Variants in HOOK3 observed in about 807,000 individuals in gnomAD.
The protein encoded by HOOK3 is protein Hook homolog 3.
HOOK3 carries 24 observed loss-of-function variants against 116.3 expected under a neutral mutation model. The observed-to-expected ratio is 0.21, with a 90% confidence interval of 0.15 to 0.29. HOOK3 has a LOEUF of 0.29. HOOK3 is among the 10% of genes least tolerant of loss of function. The pLI, the probability that HOOK3 is intolerant of heterozygous loss-of-function variation, is 1.00. For synonymous variants in HOOK3, 275 were observed against 283.0 expected, an observed-to-expected ratio of 0.97 and a Z score of 0.28; for missense variants, 632 against 830.2, an observed-to-expected ratio of 0.76 and a Z score of 2.93.
At chr8:42,974,227 T>C in intron 13 of HOOK3, 33 bp downstream of exon 13, 1 of 1,505,550 alleles carries the variant, frequency 6.6e-7, no homozygotes, top group Non-Finnish European at 9.2e-7. Flanking sequence ...AACCAGATGA[T>C]TTCTTTTTTT....
At chr8:43,012,842 T>C (rs1240555793) in intron 19 of HOOK3, among the ~76,000 whole-genome samples, 1 of 152,168 alleles carries the variant, frequency 6.6e-6, no homozygotes, top group African/African-American at 2.4e-5. Context: ...GCTAAAGTGA[T>C]CCACCTGCCT....
chr8:42,957,719 A>T (rs555184870), intron 7 of HOOK3, among the ~76,000 whole-genome samples: 44 of 152,160 alleles, frequency 2.9e-4, no homozygotes, highest in African/African-American at 1.0e-3. Context: ...TCTGTAAAGT[A>T]GTGAATAATT....
intron 6 of HOOK3, among the ~76,000 whole-genome samples, chr8:42,953,948 C>A (rs1808389560): frequency 6.6e-6 from 1 of 152,088 alleles, no homozygotes; most frequent in African/African-American, 2.4e-5. Context: ...TGCCGTATCC[C>A]TTCAATATAG....
intron 13 of HOOK3, among the ~76,000 whole-genome samples, chr8:42,981,275 G>A (rs555620919): frequency 6.6e-6 from 1 of 151,530 alleles, no homozygotes; most frequent in South Asian, 2.1e-4. Flanking sequence ...CTGGTCTCGA[G>A]CTCCTGAGCT....
intron 5 of HOOK3, among the ~76,000 whole-genome samples, chr8:42,948,211 T>G (rs1209675891): frequency 6.6e-6 from 1 of 152,220 alleles, no homozygotes; most frequent in African/African-American, 2.4e-5. Context: ...AACTCATGTT[T>G]CTTCCACATT....
chr8:42,996,327 A>G (rs1052507849), intron 15 of HOOK3, among the ~76,000 whole-genome samples: 1 of 150,216 alleles, frequency 6.7e-6, no homozygotes, highest in Non-Finnish European at 1.5e-5. Context: ...CGGAGGTTGC[A>G]GTGAGCTGAG....
At chr8:42,991,177 G>A (rs1044583454) in intron 15 of HOOK3, among the ~76,000 whole-genome samples, 8 of 152,120 alleles carry the variant, frequency 5.3e-5, no homozygotes, top group Non-Finnish European at 1.2e-4. Context: ...GTGCCATGCT[G>A]TTTTGGTTAC....
rs747401904 is a variant in HOOK3, at chr8:43,018,495, G to A, written c.2154G>A (p.Arg718=). 66 of 1,608,086 alleles carry A rather than the reference G, an allele frequency of 4.1e-5. No individual in the cohort carries two copies. The highest frequency in any genetic ancestry group is 5.0e-5 in the Non-Finnish European group (59 of 1,178,272). Residue 718 remains arginine, a synonymous_variant, in exon 22 of 22, where the codon AGG becomes AGA. Transcript: ENST00000307602. ...YPGHVQPATA[R] ...GCCACGTGCAGCCGGCCACAGCAAG[G>A]TAGAGAAGTTGTGCCGCTCAATCAC... is the stretch of plus-strand genomic sequence containing the variant.
chr8:42,938,217 C>CTTTTGTTTTTTTT (rs1808011233), intron 4 of HOOK3, among the ~76,000 whole-genome samples: 1 of 132,292 alleles, frequency 7.6e-6, no homozygotes, highest in Non-Finnish European at 1.6e-5. Context: ...GCAACCCCTG[C>CTTTTGTTTTTTTT]TTTTTTTTTT....
At chr8:42,928,900 G>C (rs1253150357) in intron 3 of HOOK3, among the ~76,000 whole-genome samples, 1 of 152,088 alleles carries the variant, frequency 6.6e-6, no homozygotes, top group Non-Finnish European at 1.5e-5. Flanking sequence ...AAATTAGCCA[G>C]GTGTGGTGGC....
intron 13 of HOOK3, among the ~76,000 whole-genome samples, chr8:42,978,838 C>T (rs1002387872): frequency 3.3e-5 from 5 of 152,164 alleles, no homozygotes; most frequent in South Asian, 4.1e-4. Context: ...CATGTGCTAC[C>T]GCGCCCAGCC....
rs528668369 is a variant in HOOK3, at chr8:42,926,205, A to C, written c.216+576A>C. 1.8e-4 allele frequency among the ~76,000 whole-genome samples: 28 copies of C among 152,330 alleles called. No homozygotes were observed. In the South Asian group the frequency reaches 4.1e-3, roughly 23 times the overall value. On this transcript the variant is annotated intron_variant, in intron 3 of 21. Coordinates refer to ENST00000307602, the MANE Select transcript of HOOK3 (RefSeq NM_032410.4). ...TGTGTATATAGCTGAACAGGTTTTT[A>C]TCCTTACATTAGGCAGTGATGTTTT...
At chr8:42,902,824 C>A (rs138512575) in intron 1 of HOOK3, among the ~76,000 whole-genome samples, 11 of 152,124 alleles carry the variant, frequency 7.2e-5, no homozygotes, top group Admixed American at 7.2e-4. Context: ...TTCAAAGTGG[C>A]GTCCACTGAG....
chr8:42,996,924 G>GTTTTT (rs1262763525), intron 15 of HOOK3, among the ~76,000 whole-genome samples: 1 of 118,128 alleles, frequency 8.5e-6, no homozygotes, highest in African/African-American at 3.3e-5. Flanking sequence ...TTTTTTTTTG[G>GTTTTT]GAGGCAGGGT....
chr8:43,009,466 G>A (rs1809561808), intron 18 of HOOK3, among the ~76,000 whole-genome samples: 1 of 151,726 alleles, frequency 6.6e-6, no homozygotes, highest in Non-Finnish European at 1.5e-5. Context: ...ATGTCTTTCT[G>A]ATTGTACTTT....
intron 2 of HOOK3, among the ~76,000 whole-genome samples, chr8:42,919,601 GT>G (rs1200466111): frequency 6.6e-6 from 1 of 152,232 alleles, no homozygotes; most frequent in African/African-American, 2.4e-5. Flanking sequence ...CGGCTGGGAG[GT>G]GGAGGTTGTA....
chr8:42,907,697 A>G (rs1807338003), intron 2 of HOOK3, among the ~76,000 whole-genome samples: 2 of 152,058 alleles, frequency 1.3e-5, no homozygotes, highest in South Asian at 4.2e-4. Context: ...TATCACTTAG[A>G]GAAACCAGAA....
intron 2 of HOOK3, 110 bp from the exon 3 acceptor site, chr8:42,925,447 A>C (rs1008108141): frequency 7.0e-6 from 5 of 718,838 alleles, no homozygotes; most frequent in South Asian, 1.9e-5. Context: ...ATATGTGTCA[A>C]ATACATTTTT....
chr8:42,972,518 C>A (rs901256382), intron 11 of HOOK3, among the ~76,000 whole-genome samples: 1 of 152,028 alleles, frequency 6.6e-6, no homozygotes, highest in African/African-American at 2.4e-5. Context: ...CTCAAGTGAT[C>A]TTCCCACCTC....
Sources: gnomAD v4.1 joint callset for allele counts (sites outside exome capture counted in the v4.1 genomes callset) on GRCh38, gnomAD v4.1.1 for gene constraint, MANE v1.5 for transcripts, NCBI Gene and HGNC (gene_info 2026-07-23, HGNC 2026-07-21) for gene names.